Variants in TECRL observed in about 807,000 individuals in gnomAD.
The protein encoded by TECRL is trans-2,3-enoyl-CoA reductase-like.
A neutral mutation model predicts 52.8 loss-of-function variants in TECRL; 63 were observed. That is an observed-to-expected ratio of 1.19 (90% CI 0.97 to 1.47). The LOEUF is 1.47. TECRL is among the 40% of genes most tolerant of loss of function. The pLI is 0.00. For synonymous variants in TECRL, 164 were observed against 141.9 expected (o/e 1.16, Z -1.10); for missense variants, 482 against 429.6 (o/e 1.12, Z -1.08).
At position 64,296,903 on chromosome 4, in the gene TECRL, T is replaced by G. The variant is rs554430987; in HGVS notation, c.774+3071A>C. Among the ~76,000 whole-genome samples the G allele has an allele frequency of 2.6e-5, 4 of 151,742 alleles. No homozygotes were observed. In the East Asian group the frequency reaches 7.7e-4, roughly 29 times the overall value. On this transcript the variant is annotated intron_variant, in intron 8 of 11. Transcript: ENST00000381210. Reference sequence around the variant, plus strand: ...ATTCTGATGTCTTCATAAATTTGCCTGTATTTGATTCTCCTTAATTTTTCC... The same window carrying G: ...ATTCTGATGTCTTCATAAATTTGCCGGTATTTGATTCTCCTTAATTTTTCC...
intron 1 of TECRL, among the ~76,000 whole-genome samples, chr4:64,399,468 G>A (rs959937736): frequency 6.6e-6 from 1 of 152,192 alleles, no homozygotes; most frequent in Non-Finnish European, 1.5e-5. Flanking sequence ...TAACTAAGAA[G>A]AAGGCAAGTG....
chr4:64,365,177 G>T (rs1721505074), intron 2 of TECRL, among the ~76,000 whole-genome samples: 1 of 148,716 alleles, frequency 6.7e-6, no homozygotes, highest in African/African-American at 2.5e-5. Context: ...ATGCAAAAAG[G>T]CTTTTCGTTA....
intron 1 of TECRL, among the ~76,000 whole-genome samples, chr4:64,395,084 G>C (rs1245759035): frequency 6.6e-6 from 1 of 151,504 alleles, no homozygotes; most frequent in African/African-American, 2.4e-5. Context: ...GCTAATTTTT[G>C]TATTTTTAGT....
chr4:64,399,335 G>A (rs1468105995), intron 1 of TECRL, among the ~76,000 whole-genome samples: 1 of 152,102 alleles, frequency 6.6e-6, no homozygotes, highest in Non-Finnish European at 1.5e-5. Context: ...ATTTAAAAGA[G>A]AAGCAGAGCA....
At chr4:64,334,908 G>A (rs1001243630) in intron 2 of TECRL, among the ~76,000 whole-genome samples, 3 of 152,292 alleles carry the variant, frequency 2.0e-5, no homozygotes, top group African/African-American at 7.2e-5. Flanking sequence ...CATCATCTAA[G>A]GAAGAAGCAA....
intron 2 of TECRL, among the ~76,000 whole-genome samples, chr4:64,374,079 A>ATATATATATATATT (rs1343885987): frequency 5.3e-4 from 51 of 96,766 alleles, no homozygotes; most frequent in East Asian, 3.6e-3. Flanking sequence ...ATATATATAT[A>ATATATATATATATT]TATTTATCTT....
rs1430332884 is a variant in TECRL at position 64,338,105 on chromosome 4, C to A, written c.287-9549G>T. Among the ~76,000 whole-genome samples the A allele has an allele frequency of 6.6e-5, 10 of 152,144 alleles. No homozygotes were observed. In the East Asian group the frequency reaches 1.9e-3, roughly 30 times the overall value. ...AGAGATATAGACCAATGGAACAGAA[C>A]AGAGCCCTCAGAAATAATACCACAC... On this transcript the variant is annotated intron_variant, in intron 2 of 11. Transcript: ENST00000381210.
rs1423230335 is a variant in TECRL at position 64,277,932 on chromosome 4, G to A, written c.*2140C>T. 1 of 151,606 alleles carries A rather than the reference G, an allele frequency of 6.6e-6. No homozygotes were observed. Among genetic ancestry groups the A allele is most frequent in the East Asian group, 1.9e-4 (1 of 5,186 alleles). 9.4% of individuals were successfully genotyped at this position (151,606 alleles called of 1,614,324 possible). ...TGCACATAGGCTTTCATAGAAGATA[G>A]GTATTTAAAGATGTAAAAATAGAAC... On this transcript the variant is annotated 3_prime_UTR_variant, in exon 12 of 12. Transcript: ENST00000381210.
intron 1 of TECRL, among the ~76,000 whole-genome samples, chr4:64,392,145 C>A (rs755129330): frequency 1.3e-5 from 2 of 151,860 alleles, no homozygotes; most frequent in African/African-American, 2.4e-5. Flanking sequence ...GTTTCTAAGG[C>A]AAAAGCTAAA....
chr4:64,318,358 A>C (rs1651467480), intron 4 of TECRL, among the ~76,000 whole-genome samples: 1 of 152,102 alleles, frequency 6.6e-6, no homozygotes, highest in African/African-American at 2.4e-5. Flanking sequence ...AAAGAAAAAT[A>C]TTGAAATGTA....
rs1461307621 is a variant in TECRL, at chr4:64,280,154, GC to G, written c.1009del (p.Ala337HisfsTer9). 5.0e-5 allele frequency: 80 copies of G among 1,598,992 alleles called. No individual in the cohort carries two copies. Among genetic ancestry groups the G allele is most frequent in the Non-Finnish European group, 6.6e-5 (78 of 1,173,356 alleles). On this transcript the variant is annotated frameshift_variant, in exon 12 of 12. Coordinates refer to ENST00000381210, the MANE Select transcript of TECRL (RefSeq NM_001010874.5). LOFTEE classifies it high-confidence loss of function. ...LLMSIQMSLWAQKKHKIYLRK... is the reference protein window; with the variant it reads ...LLMSIQMSLWXQKKHKIYLRK... Reference sequence around the variant, plus strand: ...CAGATAAATCTTATGTTTCTTTTGTGCCCACAAAGACATCTGGATACTCATC... The same window carrying G: ...CAGATAAATCTTATGTTTCTTTTGTGCCACAAAGACATCTGGATACTCATC...
At chr4:64,355,740 A>T (rs1343697454) in intron 2 of TECRL, among the ~76,000 whole-genome samples, 1 of 150,448 alleles carries the variant, frequency 6.6e-6, no homozygotes, top group African/African-American at 2.4e-5. Flanking sequence ...GCTTGCAGTG[A>T]GCCGAGACTG....
At chr4:64,373,399 T>C (rs942830887) in intron 2 of TECRL, among the ~76,000 whole-genome samples, 2 of 151,808 alleles carry the variant, frequency 1.3e-5, no homozygotes, top group East Asian at 1.9e-4. Context: ...TATCTACTTT[T>C]GCAACAGGAC....
At position 64,398,983 on chromosome 4, in the gene TECRL, C is replaced by T. The variant is rs79563301; in HGVS notation, c.234+10135G>A. Among the ~76,000 whole-genome samples the T allele has an allele frequency of 9.6e-3, 1,458 of 152,220 alleles. 16 individuals carry two copies. The highest frequency in any genetic ancestry group is 0.032 in the African/African-American group (1,331 of 41,530). ...GCATTGTGCCCATGCCCTAGGGATC[C>T]GTGGAACTTTAAACTTGAGAATGAT... On this transcript the variant is annotated intron_variant, in intron 1 of 11. Coordinates refer to ENST00000381210, the MANE Select transcript of TECRL (RefSeq NM_001010874.5).
At chr4:64,353,107 A>G (rs145936522) in intron 2 of TECRL, among the ~76,000 whole-genome samples, 8 of 152,332 alleles carry the variant, frequency 5.3e-5, no homozygotes, top group African/African-American at 1.9e-4. Flanking sequence ...TATGGTAAAT[A>G]CAGGTAAATA....
At chr4:64,347,072 G>A (rs1408614403) in intron 2 of TECRL, among the ~76,000 whole-genome samples, 1 of 151,962 alleles carries the variant, frequency 6.6e-6, no homozygotes, top group Non-Finnish European at 1.5e-5. Flanking sequence ...CACAAGAGTG[G>A]GCCATATAAA....
chr4:64,371,628 G>A (rs150965891), intron 2 of TECRL, among the ~76,000 whole-genome samples: 4 of 151,634 alleles, frequency 2.6e-5, no homozygotes, highest in East Asian at 1.9e-4. Context: ...CTGCTTTTCT[G>A]TGGAAACCCA....
chr4:64,287,786 TTATTTTAGTC>T, intron 9 of TECRL, among the ~76,000 whole-genome samples: 1 of 152,224 alleles, frequency 6.6e-6, no homozygotes, highest in South Asian at 2.1e-4. Flanking sequence ...TATTTTATGT[TTATTTTAGTC>T]TATGGAAATG....
intron 2 of TECRL, among the ~76,000 whole-genome samples, chr4:64,340,095 G>C (rs1452757376): frequency 1.3e-5 from 2 of 152,210 alleles, no homozygotes; most frequent in Non-Finnish European, 2.9e-5. Flanking sequence ...CAGGTCATCT[G>C]TAGAGGCTGT....
Sources: allele counts gnomAD v4.1 joint callset (sites outside exome capture counted in the v4.1 genomes callset), GRCh38; gene constraint gnomAD v4.1.1; transcripts MANE v1.5; gene names NCBI Gene and HGNC (gene_info 2026-07-23, HGNC 2026-07-21).